Variants in NTNG1 observed in about 807,000 individuals in gnomAD.
NTNG1 encodes netrin-G1.
Under a neutral mutation model 54.0 loss-of-function variants are expected in NTNG1, and 16 were observed. The observed-to-expected ratio is 0.30, with a 90% confidence interval of 0.20 to 0.45. The LOEUF (loss-of-function observed/expected upper bound fraction) is 0.45, where lower values mean the gene tolerates loss of function less well. NTNG1 is among the 20% of genes least tolerant of loss of function. NTNG1 has a pLI of 1.00. For missense variants in NTNG1, 530 were observed against 678.7 expected (o/e 0.78, Z 2.43); for synonymous variants, 255 against 263.1 (o/e 0.97, Z 0.30).
chr1:107,261,019 A>T (rs1663280588), intron 2 of NTNG1: 1 of 152,238 alleles, frequency 6.6e-6, no homozygotes, highest in Non-Finnish European at 1.5e-5. Flanking sequence ...CAGCCCAGGT[A>T]AGTACATCTG....
intron 2 of NTNG1, among the ~76,000 whole-genome samples, chr1:107,251,939 C>T (rs949188041): frequency 6.6e-6 from 1 of 152,140 alleles, no homozygotes; most frequent in Non-Finnish European, 1.5e-5. Context: ...ATACTGAGAA[C>T]GGAAGGGTAT....
chr1:107,347,697 A>G (rs570190884), intron 3 of NTNG1, among the ~76,000 whole-genome samples: 1 of 152,264 alleles, frequency 6.6e-6, no homozygotes, highest in Admixed American at 6.5e-5. Flanking sequence ...GGTAATTTAT[A>G]AAGGAAAGAG....
chr1:107,468,684 C>G (rs35392595), intron 7 of NTNG1, among the ~76,000 whole-genome samples: 24,460 of 152,220 alleles, frequency 0.16, 2,141 homozygotes, highest in Admixed American at 0.26. Context: ...TAATCACCTT[C>G]TCAATTAAAT....
At chr1:107,318,041 T>G (rs1667437670) in intron 2 of NTNG1, among the ~76,000 whole-genome samples, 1 of 152,198 alleles carries the variant, frequency 6.6e-6, no homozygotes, top group Non-Finnish European at 1.5e-5. Flanking sequence ...GTTGGGACAG[T>G]CCCATAGTAT....
chr1:107,141,728 T>G (rs994300109), intron 1 of NTNG1, among the ~76,000 whole-genome samples: 4 of 152,014 alleles, frequency 2.6e-5, no homozygotes, highest in Non-Finnish European at 4.4e-5. Context: ...GTCCTCTTGT[T>G]GTGTCCGGAG....
chr1:107,393,016 A>G (rs1672460974), intron 3 of NTNG1, among the ~76,000 whole-genome samples: 1 of 152,180 alleles, frequency 6.6e-6, no homozygotes, highest in African/African-American at 2.4e-5. Flanking sequence ...AAATAAGACT[A>G]AACATTCATC....
intron 2 of NTNG1, among the ~76,000 whole-genome samples, chr1:107,182,009 T>G (rs1289416710): frequency 1.3e-5 from 2 of 152,060 alleles, no homozygotes; most frequent in African/African-American, 2.4e-5. Context: ...TAGGGTTGAT[T>G]CCTCTCCTGT....
At chr1:107,292,104 A>G (rs1229163473) in intron 2 of NTNG1, among the ~76,000 whole-genome samples, 1 of 152,206 alleles carries the variant, frequency 6.6e-6, no homozygotes, top group Non-Finnish European at 1.5e-5. Context: ...AAATGCAGAT[A>G]AAAACAAGAT....
At chr1:107,376,386 T>A (rs192362584) in intron 3 of NTNG1, among the ~76,000 whole-genome samples, 1 of 148,288 alleles carries the variant, frequency 6.7e-6, no homozygotes, top group Non-Finnish European at 1.5e-5. Context: ...CCAGCCTGGG[T>A]GACAGAGTGA....
At chr1:107,162,490 T>C (rs549661482) in intron 2 of NTNG1, among the ~76,000 whole-genome samples, 54 of 152,318 alleles carry the variant, frequency 3.5e-4, no homozygotes, top group African/African-American at 1.2e-3. Context: ...CCTCTTAATG[T>C]CTCATTTTTG....
chr1:107,199,401 A>G (rs1658570491), intron 2 of NTNG1, among the ~76,000 whole-genome samples: 1 of 151,888 alleles, frequency 6.6e-6, no homozygotes, highest in Non-Finnish European at 1.5e-5. Context: ...CTCACTGTAG[A>G]TCTATATCTT....
At position 107,177,576 on chromosome 1, in the gene NTNG1, G is replaced by A. The variant is rs1355655533; in HGVS notation, c.246+28737G>A. On this transcript the variant is annotated intron_variant, in intron 2 of 7. Coordinates refer to ENST00000370068, the MANE Select transcript of NTNG1 (RefSeq NM_001113226.3). Reference sequence around the variant, plus strand: ...TCTCAAACTCCTGACCTGGTGATCCGCCTGCCTCAGCCTCCCAAAGTGCTG... The same window carrying A: ...TCTCAAACTCCTGACCTGGTGATCCACCTGCCTCAGCCTCCCAAAGTGCTG... Among the ~76,000 whole-genome samples, 6 of 152,064 alleles carry A rather than the reference G, an allele frequency of 3.9e-5. No individual in the cohort carries two copies. In the South Asian group the frequency reaches 1.2e-3, roughly 32 times the overall value.
chr1:107,263,904 C>T (rs1663546848), intron 2 of NTNG1, among the ~76,000 whole-genome samples: 1 of 152,128 alleles, frequency 6.6e-6, no homozygotes, highest in African/African-American at 2.4e-5. Context: ...ATGACCCAAA[C>T]ACATCTTGAT....
At chr1:107,381,149 G>A (rs1442208083) in intron 3 of NTNG1, among the ~76,000 whole-genome samples, 2 of 151,942 alleles carry the variant, frequency 1.3e-5, no homozygotes, top group Non-Finnish European at 2.9e-5. Flanking sequence ...TGTTGATGGT[G>A]GCACTTGACA....
At chr1:107,251,105 A>G (rs1662576070) in intron 2 of NTNG1, among the ~76,000 whole-genome samples, 2 of 152,210 alleles carry the variant, frequency 1.3e-5, no homozygotes, top group South Asian at 4.1e-4. Context: ...AATCATTCCA[A>G]ATCACTGGGA....
chr1:107,330,960 C>T (rs2101896559), intron 3 of NTNG1: 1 of 152,194 alleles, frequency 6.6e-6, no homozygotes, highest in Non-Finnish European at 1.5e-5. Flanking sequence ...AGTCCCCACT[C>T]ATATTTAAGT....
intron 7 of NTNG1, 80 bp downstream of exon 7, chr1:107,436,879 T>A: frequency 1.5e-6 from 2 of 1,336,272 alleles, no homozygotes; most frequent in Admixed American, 2.0e-5. Context: ...GTGCAGCTTC[T>A]CAGAGCAGAA....
chr1:107,292,361 A>G (rs1313608316), intron 2 of NTNG1, among the ~76,000 whole-genome samples: 1 of 152,180 alleles, frequency 6.6e-6, no homozygotes, highest in Non-Finnish European at 1.5e-5. Context: ...AAAGCTTTAG[A>G]GCAGGAAATG....
intron 2 of NTNG1, among the ~76,000 whole-genome samples, chr1:107,155,420 C>G (rs1231440004): frequency 1.3e-5 from 2 of 152,062 alleles, no homozygotes. Flanking sequence ...TGTTAAATCT[C>G]TCTCTCTCTC....
Sources: gnomAD v4.1 joint callset for allele counts (sites outside exome capture counted in the v4.1 genomes callset) on GRCh38, gnomAD v4.1.1 for gene constraint, MANE v1.5 for transcripts, NCBI Gene and HGNC (gene_info 2026-07-23, HGNC 2026-07-21) for gene names.